The following THADA variants were observed in gnomAD, a reference collection of about 807,000 sequenced individuals.
THADA encodes THADA armadillo repeat containing, also known as tRNA (32-2'-O)-methyltransferase regulator THADA.
In THADA, 213 loss-of-function variants were observed where a neutral mutation model predicts 219.8. That is an observed-to-expected ratio of 0.97 (90% confidence interval 0.87 to 1.09). THADA has a LOEUF of 1.09. THADA is among the 50% of genes least tolerant of loss of function. The pLI is 0.00. For synonymous variants in THADA, 1,018 were observed against 828.9 expected (o/e 1.23, Z -3.92); for missense variants, 2,956 against 2,311.3 (o/e 1.28, Z -5.72).
At chr2:43,591,915 C>CT (rs1701622975) in intron 3 of THADA, 37 bp downstream of exon 3, 2 of 1,383,232 alleles carry the variant, frequency 1.4e-6, no homozygotes, top group East Asian at 2.5e-5. Context: ...GCATGATACT[C>CT]TTAAAGATGC....
At chr2:43,391,205 A>G (rs911150120) in intron 29 of THADA, among the ~76,000 whole-genome samples, 3 of 152,070 alleles carry the variant, frequency 2.0e-5, no homozygotes, top group African/African-American at 7.2e-5. Flanking sequence ...AAAAAAATAT[A>G]TATTTTTCCT....
Position 43,344,162 on chromosome 2 carries a change from T to A in THADA, c.4303A>T (p.Ile1435Phe). 1.2e-6 allele frequency: 2 copies of A among 1,612,474 alleles called. No individual in the cohort carries two copies. The highest frequency in any genetic ancestry group is 2.2e-5 in the South Asian group (2 of 90,408). ...AGTTTGGCTTTGGTACAAACAGTGA[T>A]GTCAGTCAGCTCGTGCTGGAAGTCT... ...NSDFQHELTD[I>F]TVCTKAKLWL... Residue 1435 changes from isoleucine to phenylalanine, a missense_variant, in exon 30 of 38, where the codon ATC becomes TTC. Ile to Phe is a conservative substitution (Grantham distance 21). Coordinates refer to ENST00000405975, the MANE Select transcript of THADA (RefSeq NM_022065.5).
rs1380321185 is a variant in THADA at position 43,586,987 on chromosome 2, C to A, written c.318G>T (p.Leu106=). 7 of 1,613,104 alleles carry A rather than the reference C, an allele frequency of 4.3e-6. No homozygotes were observed. The East Asian group carries it at 1.6e-4, about 36-fold the overall frequency. ...KKVLASSLNS[L]PDFFLPEAMH... ...TAGCCTCAGGTAGAAAAAAATCAGG[C>A]AGGCTATTTAGTGAGCTAGAAAAAG... The change falls in exon 5 of 38, where the codon CTG becomes CTT. Residue 106 remains leucine, a synonymous_variant. Transcript: ENST00000405975.
At chr2:43,272,120 T>A (rs1007112405) in intron 36 of THADA, among the ~76,000 whole-genome samples, 3 of 152,056 alleles carry the variant, frequency 2.0e-5, no homozygotes, top group Non-Finnish European at 4.4e-5. Context: ...AAGGGAAGAA[T>A]ATTCCAAGCA....
intron 31 of THADA, among the ~76,000 whole-genome samples, chr2:43,304,802 G>A (rs1422785209): frequency 6.6e-6 from 1 of 151,986 alleles, no homozygotes; most frequent in East Asian, 1.9e-4. Context: ...CTCCCGAGTA[G>A]CTGGGATTAC....
chr2:43,279,220 C>A (rs1673067248), intron 36 of THADA, among the ~76,000 whole-genome samples: 1 of 152,178 alleles, frequency 6.6e-6, no homozygotes, highest in South Asian at 2.1e-4. Flanking sequence ...GACTACCCAG[C>A]TAGGGTGCTC....
At chr2:43,341,965 C>T (rs1198702262) in intron 30 of THADA, among the ~76,000 whole-genome samples, 1 of 152,182 alleles carries the variant, frequency 6.6e-6, no homozygotes, top group Non-Finnish European at 1.5e-5. Flanking sequence ...AATCCCAGCA[C>T]TTTGGGAGGC....
chr2:43,482,612 A>C (rs182194921), intron 26 of THADA, among the ~76,000 whole-genome samples: 3 of 152,264 alleles, frequency 2.0e-5, no homozygotes, highest in Admixed American at 2.0e-4. Context: ...CAGATTTCTT[A>C]TTTCTCCTCT....
chr2:43,492,502 T>A (rs749000249), intron 25 of THADA, among the ~76,000 whole-genome samples: 1 of 152,168 alleles, frequency 6.6e-6, no homozygotes, highest in Non-Finnish European at 1.5e-5. Context: ...CTATGTGCAA[T>A]TGCTATGTAA....
At chr2:43,485,643 T>C (rs552563643) in intron 25 of THADA, among the ~76,000 whole-genome samples, 1 of 152,184 alleles carries the variant, frequency 6.6e-6, no homozygotes, top group Admixed American at 6.5e-5. Flanking sequence ...CATTTTTCTA[T>C]ATGCTTCCTG....
chr2:43,333,917 A>C lies in THADA; in HGVS notation c.4343+10205T>G, dbSNP rs1197808194. ...AGTGGGAAAATGGAAGCAGACCTAAAACCCAGTATTTCTGCCTGGGAAGTG... is the reference window on the plus strand; with the variant it reads ...AGTGGGAAAATGGAAGCAGACCTAACACCCAGTATTTCTGCCTGGGAAGTG... On this transcript the variant is annotated intron_variant, in intron 30 of 37. Transcript: ENST00000405975. 4.6e-5 allele frequency among the ~76,000 whole-genome samples: 7 copies of C among 152,218 alleles called. No individual in the cohort carries two copies. In the South Asian group the frequency reaches 6.2e-4, roughly 14 times the overall value.
At position 43,514,372 on chromosome 2, in the gene THADA, G is replaced by C. The variant is rs537544270; in HGVS notation, c.3375-5592C>G. ...AGGCTGAGGTGGGAGGATCGCTTGAGCCCAAGAGGCAGAGGTTGCAGTGAG... is the reference window on the plus strand; with the variant it reads ...AGGCTGAGGTGGGAGGATCGCTTGACCCCAAGAGGCAGAGGTTGCAGTGAG... On this transcript the variant is annotated intron_variant, in intron 22 of 37. Transcript: ENST00000405975. Among the ~76,000 whole-genome samples the C allele has an allele frequency of 3.6e-3, 532 of 149,354 alleles. 3 individuals are homozygous for C. Among genetic ancestry groups the C allele is most frequent in the Non-Finnish European group, 6.0e-3 (407 of 67,584 alleles).
chr2:43,306,988 G>C (rs1046667450), intron 31 of THADA, among the ~76,000 whole-genome samples: 3 of 152,156 alleles, frequency 2.0e-5, no homozygotes, highest in African/African-American at 7.2e-5. Context: ...CCACTTTACA[G>C]TTGAAGAACC....
intron 31 of THADA, among the ~76,000 whole-genome samples, chr2:43,315,582 C>G (rs1380569356): frequency 6.6e-6 from 1 of 152,100 alleles, no homozygotes; most frequent in Non-Finnish European, 1.5e-5. Context: ...CCTGCCTCAG[C>G]ATCCTGAGTA....
chr2:43,437,702 G>T (rs1412475785), intron 26 of THADA, among the ~76,000 whole-genome samples: 1 of 152,168 alleles, frequency 6.6e-6, no homozygotes, highest in African/African-American at 2.4e-5. Context: ...AGCACTGACT[G>T]CCTTTTGTTC....
rs1692436464 is a variant in THADA, at chr2:43,521,224, GC to G, written c.3374+6654del. On this transcript the variant is annotated intron_variant, in intron 22 of 37. Transcript: ENST00000405975. Reference sequence around the variant, plus strand: ...GGAAGGAAAGAGGGCAGGAGGGCAGGCAGACAAGAAGGCAGGCAGGCAGGCA... The same window carrying G: ...GGAAGGAAAGAGGGCAGGAGGGCAGGAGACAAGAAGGCAGGCAGGCAGGCA... Among the ~76,000 whole-genome samples the G allele has an allele frequency of 3.4e-5, 5 of 148,948 alleles. No individual in the cohort carries two copies. In the South Asian group the frequency reaches 8.7e-4, roughly 26 times the overall value.
At chr2:43,280,824 T>C (rs945322633) in intron 35 of THADA, among the ~76,000 whole-genome samples, 3 of 152,232 alleles carry the variant, frequency 2.0e-5, no homozygotes, top group South Asian at 2.1e-4. Flanking sequence ...AGATAGTATC[T>C]TGTCCTGAGC....
At chr2:43,594,612 TAA>T (rs1267373561) in intron 1 of THADA, among the ~76,000 whole-genome samples, 5 of 151,928 alleles carry the variant, frequency 3.3e-5, no homozygotes, top group Non-Finnish European at 4.4e-5. Context: ...AATAAATAAA[TAA>T]ATACTTGAGA....
intron 22 of THADA, among the ~76,000 whole-genome samples, chr2:43,519,662 T>C (rs1692161697): frequency 6.6e-6 from 1 of 152,286 alleles, no homozygotes; most frequent in Non-Finnish European, 1.5e-5. Context: ...ATATTCTCAA[T>C]GGTCAAAGAG....
Sources: gnomAD v4.1 joint callset for allele counts (sites outside exome capture counted in the v4.1 genomes callset) on GRCh38, gnomAD v4.1.1 for gene constraint, MANE v1.5 for transcripts, NCBI Gene and HGNC (gene_info 2026-07-23, HGNC 2026-07-21) for gene names.